SGCZ: variants seen among roughly 807,000 people sequenced by gnomAD.
SGCZ encodes zeta-sarcoglycan.
In SGCZ, 40 loss-of-function variants were observed where a neutral mutation model predicts 41.3. The observed-to-expected ratio is 0.97, with a 90% confidence interval of 0.75 to 1.26. The LOEUF (loss-of-function observed/expected upper bound fraction) is 1.26, where lower values mean the gene tolerates loss of function less well. SGCZ is among the 50% of genes most tolerant of loss of function. The pLI is 0.00. For synonymous variants in SGCZ, 206 were observed against 137.5 expected (o/e 1.50, Z -3.49); for missense variants, 552 against 369.8 (o/e 1.49, Z -4.04).
At chr8:14,807,169 C>A (rs1801564655) in intron 1 of SGCZ, among the ~76,000 whole-genome samples, 1 of 151,896 alleles carries the variant, frequency 6.6e-6, no homozygotes, top group Admixed American at 6.6e-5. Flanking sequence ...AAAACTGGCA[C>A]AAGACACGGA....
chr8:14,605,763 T>C (rs762431326), intron 1 of SGCZ, among the ~76,000 whole-genome samples: 1 of 152,210 alleles, frequency 6.6e-6, no homozygotes, highest in Non-Finnish European at 1.5e-5. Context: ...TGTAATGTGA[T>C]CATTTTGAGA....
intron 1 of SGCZ, among the ~76,000 whole-genome samples, chr8:15,193,422 A>G (rs996822621): frequency 1.3e-5 from 2 of 152,056 alleles, no homozygotes; most frequent in African/African-American, 2.4e-5. Context: ...AGTATTTTCT[A>G]TGTGTTAATC....
At chr8:14,965,909 T>C (rs1197457556) in intron 1 of SGCZ, among the ~76,000 whole-genome samples, 1 of 152,090 alleles carries the variant, frequency 6.6e-6, no homozygotes, top group Non-Finnish European at 1.5e-5. Context: ...ACTCTACCTC[T>C]AACTCATGAT....
intron 1 of SGCZ, among the ~76,000 whole-genome samples, chr8:14,719,555 G>T (rs1314934214): frequency 1.3e-5 from 2 of 152,038 alleles, no homozygotes; most frequent in South Asian, 2.1e-4. Flanking sequence ...TCTAACTGGT[G>T]TGAGATGGTA....
At chr8:14,521,427 C>T (rs538456496) in intron 2 of SGCZ, among the ~76,000 whole-genome samples, 4 of 152,050 alleles carry the variant, frequency 2.6e-5, no homozygotes, top group African/African-American at 9.6e-5. Flanking sequence ...CCTATGTTTA[C>T]CTATGTAACA....
At chr8:14,845,522 A>C (rs1237519727) in intron 1 of SGCZ, among the ~76,000 whole-genome samples, 1 of 152,240 alleles carries the variant, frequency 6.6e-6, no homozygotes, top group Non-Finnish European at 1.5e-5. Context: ...AATAAGTAGA[A>C]AAGTGAACAG....
intron 1 of SGCZ, among the ~76,000 whole-genome samples, chr8:14,803,696 G>C (rs1801419118): frequency 6.6e-6 from 1 of 151,916 alleles, no homozygotes; most frequent in Non-Finnish European, 1.5e-5. Context: ...AAACAAAGCA[G>C]CCAGGAAGCT....
At chr8:14,448,797 A>AGT (rs1216396586) in intron 2 of SGCZ, among the ~76,000 whole-genome samples, 3 of 152,168 alleles carry the variant, frequency 2.0e-5, no homozygotes, top group African/African-American at 7.2e-5. Context: ...CTGCCCTACC[A>AGT]GTCTTTCTGG....
rs189380819 is a variant in SGCZ, at chr8:14,592,548, T to A, written c.40-37622A>T. On this transcript the variant is annotated intron_variant, in intron 1 of 7. Coordinates refer to ENST00000382080, the MANE Select transcript of SGCZ (RefSeq NM_139167.4). ...TCAGCCTTGGTATATCTCATGCATA[T>A]TATTGAGTCTTAAAACACCTAGCAT... is the stretch of plus-strand genomic sequence containing the variant. Among the ~76,000 whole-genome samples, 620 of 152,234 alleles carry A rather than the reference T, an allele frequency of 4.1e-3. 5 individuals are homozygous for A. The highest frequency in any genetic ancestry group is 0.014 in the African/African-American group (597 of 41,552).
intron 4 of SGCZ, 113 bp from the exon 5 acceptor site, chr8:14,164,815 T>G: frequency 7.8e-7 from 1 of 1,289,012 alleles, no homozygotes; most frequent in East Asian, 2.5e-5. Context: ...TTATCTCTGC[T>G]GTATGTTTTG....
chr8:15,224,566 C>T (rs1431553683), intron 1 of SGCZ, among the ~76,000 whole-genome samples: 2 of 151,852 alleles, frequency 1.3e-5, no homozygotes, highest in African/African-American at 4.8e-5. Flanking sequence ...AACTAAAATG[C>T]CAGAAATAAA....
chr8:14,837,822 T>G (rs1161068930), intron 1 of SGCZ, among the ~76,000 whole-genome samples: 1 of 152,144 alleles, frequency 6.6e-6, no homozygotes, highest in Admixed American at 6.6e-5. Flanking sequence ...CATAATATAT[T>G]TAGGGAGTGC....
chr8:14,774,133 G>C (rs1800330953), intron 1 of SGCZ, among the ~76,000 whole-genome samples: 1 of 152,146 alleles, frequency 6.6e-6, no homozygotes, highest in African/African-American at 2.4e-5. Context: ...CCTCCATAAT[G>C]TGGGTTAGCT....
chr8:14,293,714 G>A (rs990628722), intron 3 of SGCZ, among the ~76,000 whole-genome samples: 5 of 151,698 alleles, frequency 3.3e-5, no homozygotes, highest in Admixed American at 6.6e-5. Flanking sequence ...TAAATTACAG[G>A]GGAATTATTG....
rs1398690980 is a variant in SGCZ, at chr8:14,619,548, T to C, written c.40-64622A>G. ...ACTGTATATCTAGAAAACCCCACTG[T>C]CTCAGCCCAAAATCTCCTTAAGCTG... On this transcript the variant is annotated intron_variant, in intron 1 of 7. Coordinates refer to ENST00000382080, the MANE Select transcript of SGCZ (RefSeq NM_139167.4). Among the ~76,000 whole-genome samples, 3 of 152,270 alleles carry C rather than the reference T, an allele frequency of 2.0e-5. No individual in the cohort carries two copies. The East Asian group carries it at 5.8e-4, about 29-fold the overall frequency.
intron 3 of SGCZ, among the ~76,000 whole-genome samples, chr8:14,317,185 G>A (rs529490987): frequency 2.0e-5 from 3 of 152,098 alleles, no homozygotes; most frequent in African/African-American, 2.4e-5. Context: ...ATGTTTGGCT[G>A]GGAATAAAAA....
chr8:15,015,489 G>A (rs1256588310), intron 1 of SGCZ, among the ~76,000 whole-genome samples: 1 of 151,950 alleles, frequency 6.6e-6, no homozygotes, highest in East Asian at 1.9e-4. Context: ...CACGAGGTCA[G>A]CAGATGCAGA....
chr8:15,038,833 A>G (rs1190599790), intron 1 of SGCZ, among the ~76,000 whole-genome samples: 69 of 145,180 alleles, frequency 4.8e-4, no homozygotes, highest in African/African-American at 1.4e-3. Flanking sequence ...AAAAAAAAAA[A>G]AAAAAAGAAA....
At chr8:14,282,847 C>CTTTTTTTTTTTTTT (rs1168778028) in intron 3 of SGCZ, among the ~76,000 whole-genome samples, 4 of 89,930 alleles carry the variant, frequency 4.4e-5, no homozygotes, top group Non-Finnish European at 5.9e-5. Context: ...CTTTCAAATA[C>CTTTTTTTTTTTTTT]TTTTTTTTTT....
Sources: allele counts gnomAD v4.1 joint callset (sites outside exome capture counted in the v4.1 genomes callset), GRCh38; gene constraint gnomAD v4.1.1; transcripts MANE v1.5; gene names NCBI Gene and HGNC (gene_info 2026-07-23, HGNC 2026-07-21).